The following BAALC variants were observed in gnomAD, a reference collection of about 807,000 sequenced individuals.
BAALC encodes the protein brain and acute leukemia cytoplasmic protein.
A neutral mutation model predicts 15.5 loss-of-function variants in BAALC; 9 were observed. The ratio of observed to expected loss-of-function variants is 0.58; its 90% CI spans 0.35 to 1.02. The LOEUF (loss-of-function observed/expected upper bound fraction) is 1.02, where lower values mean the gene tolerates loss of function less well. BAALC is among the 50% of genes least tolerant of loss of function. The probability of loss-of-function intolerance (pLI) is 0.02; values close to 1 mark genes in which losing one functional copy is unlikely to be tolerated. For missense variants in BAALC, 201 were observed against 192.4 expected (o/e 1.04, Z -0.27); for synonymous variants, 80 against 74.6 (o/e 1.07, Z -0.37).
intron 2 of BAALC, among the ~76,000 whole-genome samples, chr8:103,224,695 AAGG>A (rs913988913): frequency 6.6e-6 from 1 of 152,192 alleles, no homozygotes; most frequent in Admixed American, 6.5e-5. Context: ...AAGGAAAAAA[AAGG>A]AAGGGGAAAG....
intron 1 of BAALC, among the ~76,000 whole-genome samples, chr8:103,197,748 A>G (rs1008346995): frequency 1.3e-5 from 2 of 152,054 alleles, no homozygotes; most frequent in Non-Finnish European, 1.5e-5. Flanking sequence ...AGAGCGGGAG[A>G]AAGAGTGGTG....
At chr8:103,206,869 T>C (rs1812344128) in intron 1 of BAALC, among the ~76,000 whole-genome samples, 1 of 152,072 alleles carries the variant, frequency 6.6e-6, no homozygotes, top group Non-Finnish European at 1.5e-5. Flanking sequence ...ATGGGTCACT[T>C]TGGAGTGAAA....
At chr8:103,217,016 C>A (rs35710705) in intron 2 of BAALC, among the ~76,000 whole-genome samples, 21,522 of 152,102 alleles carry the variant, frequency 0.14, 1,764 homozygotes, top group South Asian at 0.23. Flanking sequence ...AGAGTCAGCC[C>A]CCGTAGGGCT....
chr8:103,211,746 T>G (rs955153303), intron 1 of BAALC, among the ~76,000 whole-genome samples: 3 of 152,216 alleles, frequency 2.0e-5, no homozygotes, highest in African/African-American at 7.2e-5. Context: ...ATTTTCAAAA[T>G]ACCAGTCTTC....
chr8:103,205,203 T>C (rs1360676162), intron 1 of BAALC, among the ~76,000 whole-genome samples: 4 of 152,222 alleles, frequency 2.6e-5, no homozygotes, highest in African/African-American at 7.2e-5. Context: ...ACATGGCTTC[T>C]AGCTACCATT....
At chr8:103,219,794 G>A (rs1422567334) in intron 2 of BAALC, among the ~76,000 whole-genome samples, 1 of 152,190 alleles carries the variant, frequency 6.6e-6, no homozygotes, top group Non-Finnish European at 1.5e-5. Context: ...AACAATTAGG[G>A]TGTGTTATTG....
chr8:103,151,715 A>G (rs1810992073), intron 1 of BAALC, among the ~76,000 whole-genome samples: 1 of 152,022 alleles, frequency 6.6e-6, no homozygotes, highest in African/African-American at 2.4e-5. Context: ...GACAGACCCC[A>G]TATAATAGCC....
At chr8:103,200,587 C>T in intron 1 of BAALC, 1 of 523,542 alleles carries the variant, frequency 1.9e-6, no homozygotes, top group Non-Finnish European at 3.6e-6. Context: ...GGACTGTCTT[C>T]CTCTGTTCTG....
intron 1 of BAALC, among the ~76,000 whole-genome samples, chr8:103,159,659 G>A (rs959809489): frequency 2.6e-5 from 4 of 152,088 alleles, no homozygotes; most frequent in African/African-American, 7.2e-5. Flanking sequence ...GGGATCCCCC[G>A]TTTGACTCTT....
chr8:103,147,415 T>C (rs1395218387), intron 1 of BAALC, among the ~76,000 whole-genome samples: 3 of 152,220 alleles, frequency 2.0e-5, no homozygotes, highest in African/African-American at 7.2e-5. Context: ...TGTAATTGGA[T>C]TGTATGTAAC....
At chr8:103,211,900 T>G (rs184072012) in intron 1 of BAALC, among the ~76,000 whole-genome samples, 1 of 152,340 alleles carries the variant, frequency 6.6e-6, no homozygotes, top group East Asian at 1.9e-4. Context: ...GCTACCTTGC[T>G]GCTTCTTGCC....
At chr8:103,192,296 C>A (rs1811989334) in intron 1 of BAALC, among the ~76,000 whole-genome samples, 1 of 152,226 alleles carries the variant, frequency 6.6e-6, no homozygotes, top group Admixed American at 6.5e-5. Context: ...AGGTGACCCA[C>A]CCGCCTCAGC....
At chr8:103,175,372 G>T (rs1811584953) in intron 1 of BAALC, among the ~76,000 whole-genome samples, 1 of 152,156 alleles carries the variant, frequency 6.6e-6, no homozygotes, top group Non-Finnish European at 1.5e-5. Context: ...GAAATGATTT[G>T]TGTTTATTTA....
chr8:103,144,389 C>T (rs1810840160), intron 1 of BAALC, among the ~76,000 whole-genome samples: 1 of 152,190 alleles, frequency 6.6e-6, no homozygotes, highest in Non-Finnish European at 1.5e-5. Context: ...TAGCTGAAGC[C>T]AAGGTATGTG....
chr8:103,154,469 C>T (rs947061428), intron 1 of BAALC: 2 of 152,598 alleles, frequency 1.3e-5, no homozygotes, highest in Non-Finnish European at 2.9e-5. Flanking sequence ...ACATTATTGC[C>T]AGGTAAATAC....
Position 103,186,074 on chromosome 8 carries a change from G to A in BAALC, c.161-26845G>A, listed in dbSNP as rs556051562. On this transcript the variant is annotated intron_variant, in intron 1 of 2. Transcript: ENST00000309982. ...GAGTGTTGAGTAGATCTGGAGAATG[G>A]GATGCCCAGCCTCTTCAGGGCAAGG... Among the ~76,000 whole-genome samples, 23 of 152,270 alleles carry A rather than the reference G, an allele frequency of 1.5e-4. 1 individual carries two copies. The highest frequency in any genetic ancestry group is 5.1e-4 in the African/African-American group (21 of 41,544).
intron 1 of BAALC, among the ~76,000 whole-genome samples, chr8:103,193,301 C>T (rs1812015100): frequency 2.0e-5 from 3 of 152,232 alleles, no homozygotes; most frequent in Admixed American, 2.0e-4. Context: ...CCTCTGATCT[C>T]CTGGTTGGCC....
chr8:103,170,255 G>A lies in BAALC; in HGVS notation c.160+29198G>A, dbSNP rs1254067957. 4.7e-5 allele frequency among the ~76,000 whole-genome samples: 7 copies of A among 149,440 alleles called. No individual in the cohort carries two copies. The South Asian group carries it at 8.4e-4, about 18-fold the overall frequency. On this transcript the variant is annotated intron_variant, in intron 1 of 2. Transcript: ENST00000309982. The stretch of plus-strand genomic sequence containing the variant: ...TGAGCCTTTTTTTTTTTTTAAAGCC[G>A]CTTGGTTATATTGTAGAAAATGGAC...
chr8:103,162,933 C>T (rs377093770), intron 1 of BAALC, among the ~76,000 whole-genome samples: 136 of 152,288 alleles, frequency 8.9e-4, no homozygotes, highest in African/African-American at 3.0e-3. Flanking sequence ...CCAAGTCTCA[C>T]TGGGGAGAAG....
Sources: gnomAD v4.1 joint callset for allele counts (sites outside exome capture counted in the v4.1 genomes callset) on GRCh38, gnomAD v4.1.1 for gene constraint, MANE v1.5 for transcripts, NCBI Gene and HGNC (gene_info 2026-07-23, HGNC 2026-07-21) for gene names.